SGCZ: variants seen among roughly 807,000 people sequenced by gnomAD.
SGCZ encodes the protein zeta-sarcoglycan.
A neutral mutation model predicts 41.3 loss-of-function variants in SGCZ; 40 were observed. That is an observed-to-expected ratio of 0.97 (90% CI 0.75 to 1.26). SGCZ has a LOEUF of 1.26. Ranked by LOEUF, SGCZ falls within the 50% of genes most tolerant of loss-of-function variation. The pLI, the probability that SGCZ is intolerant of heterozygous loss-of-function variation, is 0.00. For synonymous variants in SGCZ, 206 were observed against 137.5 expected, an observed-to-expected ratio of 1.50 and a Z score of -3.49; for missense variants, 552 against 369.8, an observed-to-expected ratio of 1.49 and a Z score of -4.04.
intron 1 of SGCZ, among the ~76,000 whole-genome samples, chr8:15,113,176 T>G (rs1212773683): frequency 1.3e-5 from 2 of 148,670 alleles, no homozygotes; most frequent in African/African-American, 2.5e-5. Context: ...GCCACTGCAC[T>G]CTAGCCTGGG....
chr8:14,155,427 C>G (rs1803847821), intron 5 of SGCZ, among the ~76,000 whole-genome samples: 1 of 151,938 alleles, frequency 6.6e-6, no homozygotes, highest in African/African-American at 2.4e-5. Context: ...AGTTACTTTT[C>G]CCTCTATTAA....
intron 1 of SGCZ, among the ~76,000 whole-genome samples, chr8:14,681,954 A>G (rs1388550481): frequency 6.6e-6 from 1 of 151,988 alleles, no homozygotes; most frequent in East Asian, 1.9e-4. Flanking sequence ...TTAATAATAA[A>G]TAATCCATAA....
chr8:15,044,537 A>G (rs1255636498), intron 1 of SGCZ, among the ~76,000 whole-genome samples: 2 of 152,198 alleles, frequency 1.3e-5, no homozygotes, highest in Non-Finnish European at 2.9e-5. Context: ...ACATAGTAAT[A>G]CTTCAAAGAT....
At chr8:14,491,839 T>C (rs1293319637) in intron 2 of SGCZ, among the ~76,000 whole-genome samples, 3 of 121,230 alleles carry the variant, frequency 2.5e-5, no homozygotes, top group Non-Finnish European at 3.6e-5. Context: ...TTACAACTGA[T>C]TTAAATTTTG....
intron 1 of SGCZ, among the ~76,000 whole-genome samples, chr8:15,048,808 G>GT (rs1157633264): frequency 3.9e-5 from 6 of 151,928 alleles, no homozygotes; most frequent in Non-Finnish European, 7.4e-5. Flanking sequence ...GTGTGAAGTT[G>GT]TTTTTTTAAC....
At chr8:15,186,443 G>C (rs73527491) in intron 1 of SGCZ, among the ~76,000 whole-genome samples, 1 of 152,018 alleles carries the variant, frequency 6.6e-6, no homozygotes, top group African/African-American at 2.4e-5. Flanking sequence ...TGTAAAAACT[G>C]TAATCAGTAT....
At chr8:14,701,378 C>T (rs1023955024) in intron 1 of SGCZ, among the ~76,000 whole-genome samples, 4 of 151,978 alleles carry the variant, frequency 2.6e-5, no homozygotes, top group African/African-American at 9.6e-5. Context: ...AATATTAGGA[C>T]CATTAAAATC....
At chr8:15,199,554 T>C (rs148394629) in intron 1 of SGCZ, among the ~76,000 whole-genome samples, 1,533 of 152,252 alleles carry the variant, frequency 0.01, 30 homozygotes, top group African/African-American at 0.031. Flanking sequence ...AGGGAAAGCA[T>C]GAAGGAAATT....
chr8:14,298,493 A>G (rs1430209150), intron 3 of SGCZ, among the ~76,000 whole-genome samples: 1 of 152,050 alleles, frequency 6.6e-6, no homozygotes. Flanking sequence ...TAACAGTGCT[A>G]TAAAATATAC....
intron 1 of SGCZ, among the ~76,000 whole-genome samples, chr8:15,145,655 A>G (rs1799016489): frequency 1.3e-5 from 2 of 152,022 alleles, no homozygotes; most frequent in Non-Finnish European, 2.9e-5. Context: ...AGGTCTTACT[A>G]TGTTTCCGAG....
chr8:14,396,967 T>C (rs1302565499), intron 2 of SGCZ, among the ~76,000 whole-genome samples: 3 of 152,190 alleles, frequency 2.0e-5, no homozygotes, highest in African/African-American at 7.2e-5. Context: ...ATTACACTTC[T>C]CCTTTATAAG....
intron 4 of SGCZ, among the ~76,000 whole-genome samples, chr8:14,216,918 G>C (rs953065461): frequency 3.3e-5 from 5 of 152,136 alleles, no homozygotes; most frequent in Non-Finnish European, 7.3e-5. Context: ...TAGCACAAGA[G>C]AAACTGTAGC....
chr8:15,169,234 C>G (rs1228368622), intron 1 of SGCZ, among the ~76,000 whole-genome samples: 1 of 152,110 alleles, frequency 6.6e-6, no homozygotes, highest in East Asian at 1.9e-4. Context: ...AATCTAAGGG[C>G]AGTTAGATGT....
chr8:14,235,149 T>A (rs1200636291), intron 4 of SGCZ, among the ~76,000 whole-genome samples: 3 of 152,158 alleles, frequency 2.0e-5, no homozygotes, highest in African/African-American at 7.2e-5. Context: ...TCCAAAAGAT[T>A]AACTATTTCA....
intron 1 of SGCZ, among the ~76,000 whole-genome samples, chr8:14,914,222 A>C (rs1799360989): frequency 6.9e-6 from 1 of 144,274 alleles, no homozygotes; most frequent in African/African-American, 2.8e-5. Flanking sequence ...ATATATAAAT[A>C]TGTATGCGTA....
At chr8:14,752,051 C>A (rs1385332176) in intron 1 of SGCZ, among the ~76,000 whole-genome samples, 2 of 142,964 alleles carry the variant, frequency 1.4e-5, no homozygotes, top group African/African-American at 5.2e-5. Context: ...AGAATTCAAC[C>A]ACAAAGAAGG....
rs566774440 is a variant in SGCZ, at chr8:14,948,420, A to G, written c.39+289165T>C. On this transcript the variant is annotated intron_variant, in intron 1 of 7. Coordinates refer to ENST00000382080, the MANE Select transcript of SGCZ (RefSeq NM_139167.4). The stretch of plus-strand genomic sequence containing the variant: ...CAGAGAGATTATTAACTCTGTTTGA[A>G]TGGAAAACTACTTTGAAAAGATTGT... 7.2e-5 allele frequency among the ~76,000 whole-genome samples: 11 copies of G among 152,224 alleles called. No homozygotes were observed. The South Asian group carries it at 1.7e-3, about 23-fold the overall frequency.
chr8:14,115,495 G>T (rs1263586644), intron 5 of SGCZ, among the ~76,000 whole-genome samples: 1 of 151,818 alleles, frequency 6.6e-6, no homozygotes, highest in Admixed American at 6.6e-5. Context: ...AAGATTCCTA[G>T]GTAAATTATC....
chr8:15,234,362 T>C (rs1802055661), intron 1 of SGCZ, among the ~76,000 whole-genome samples: 2 of 152,220 alleles, frequency 1.3e-5, no homozygotes, highest in African/African-American at 2.4e-5. Flanking sequence ...TTTGGATTTT[T>C]TGATGTTTCT....
Sources: allele counts gnomAD v4.1 joint callset (sites outside exome capture counted in the v4.1 genomes callset), GRCh38; gene constraint gnomAD v4.1.1; transcripts MANE v1.5; gene names NCBI Gene and HGNC (gene_info 2026-07-23, HGNC 2026-07-21).